Variants in CRTAC1 observed in about 807,000 individuals in gnomAD.
The protein encoded by CRTAC1 is cartilage acidic protein 1.
CRTAC1 carries 37 observed loss-of-function variants against 67.8 expected under a neutral mutation model. That is an observed-to-expected ratio of 0.55 (90% CI 0.42 to 0.72). CRTAC1 has a LOEUF of 0.72. Ranked by LOEUF, CRTAC1 falls within the 30% of genes least tolerant of loss-of-function variation. The pLI is 0.00. For synonymous variants in CRTAC1, 348 were observed against 371.0 expected (o/e 0.94, Z 0.71); for missense variants, 780 against 931.6 (o/e 0.84, Z 2.12).
At chr10:98,026,119 T>G (rs890241724) in intron 1 of CRTAC1, among the ~76,000 whole-genome samples, 15 of 152,156 alleles carry the variant, frequency 9.9e-5, no homozygotes, top group African/African-American at 3.6e-4. Context: ...CCTCTTTACC[T>G]CTAACCAAGG....
chr10:97,876,709 G>A (rs1163678566), intron 14 of CRTAC1, among the ~76,000 whole-genome samples: 3 of 152,170 alleles, frequency 2.0e-5, no homozygotes, highest in African/African-American at 4.8e-5. Flanking sequence ...TGGGGCTAAG[G>A]GACAGGGAAA....
chr10:98,005,100 A>ATATATATT, intron 2 of CRTAC1, among the ~76,000 whole-genome samples: 8 of 48,882 alleles, frequency 1.6e-4, no homozygotes, highest in African/African-American at 8.1e-4. Context: ...ATATATATAT[A>ATATATATT]TTTTTTTTTT....
chr10:97,959,963 G>C (rs969769951), intron 2 of CRTAC1, among the ~76,000 whole-genome samples: 5 of 152,242 alleles, frequency 3.3e-5, no homozygotes, highest in Non-Finnish European at 4.4e-5. Flanking sequence ...TCAGTGCCCA[G>C]GGTTTTTACT....
At chr10:97,984,824 C>T (rs2051953787) in intron 2 of CRTAC1, among the ~76,000 whole-genome samples, 1 of 152,162 alleles carries the variant, frequency 6.6e-6, no homozygotes, top group Non-Finnish European at 1.5e-5. Context: ...ACTGGCAGGG[C>T]TATGGGGGAG....
intron 14 of CRTAC1, among the ~76,000 whole-genome samples, chr10:97,876,082 A>AT: frequency 6.6e-6 from 1 of 152,220 alleles, no homozygotes; most frequent in South Asian, 2.1e-4. Context: ...CAGGGGCTCC[A>AT]TTTTTCCCCT....
chr10:97,900,542 A>G (rs642752), intron 8 of CRTAC1, among the ~76,000 whole-genome samples: 1,104 of 47,124 alleles, frequency 0.023, 28 homozygotes, highest in African/African-American at 0.082. Context: ...ATTGGACCCC[A>G]TAGCCTCTTT....
At chr10:98,026,591 G>T (rs542765814) in intron 1 of CRTAC1, among the ~76,000 whole-genome samples, 1 of 152,214 alleles carries the variant, frequency 6.6e-6, no homozygotes, top group African/African-American at 2.4e-5. Context: ...AGTTTAAAGA[G>T]AGGGGCTTTT....
intron 3 of CRTAC1, among the ~76,000 whole-genome samples, chr10:97,934,298 G>A (rs1395423325): frequency 6.6e-6 from 1 of 152,228 alleles, no homozygotes; most frequent in Non-Finnish European, 1.5e-5. Flanking sequence ...TGGCTGGAGA[G>A]AGGGCAGTAA....
rs772814377 is a variant in CRTAC1, at chr10:97,908,130, C to T, written c.733G>A (p.Val245Met). ...GCACTGCTGCTGAGGATGGGGCCCA[C>T]GCTGACGCCTCGGCCCCCTAGAAAA... ...SKYTGGRGVS[V>M]GPILSSSASD... is the part of the protein sequence containing the mutation. Residue 245 changes from valine to methionine, a missense_variant, in exon 6 of 15, where the codon GTG becomes ATG. Transcript: ENST00000370597. 2.5e-6 allele frequency: 4 copies of T among 1,614,118 alleles called. No homozygotes were observed. Among genetic ancestry groups the T allele is most frequent in the Non-Finnish European group, 3.4e-6 (4 of 1,180,002 alleles).
At position 98,013,148 on chromosome 10, in the gene CRTAC1, T is replaced by C. The variant is rs749547733; in HGVS notation, c.25-1811A>G. ...AAGGGATGACCTCTATTGTAGTGAA[T>C]GGCAAAGGAGTTTCAATTTGAGGGC... On this transcript the variant is annotated intron_variant, in intron 1 of 14. Transcript: ENST00000370597. Among the ~76,000 whole-genome samples, 23 of 152,156 alleles carry C rather than the reference T, an allele frequency of 1.5e-4. No individual in the cohort carries two copies. In the South Asian group the frequency reaches 2.3e-3, roughly 15 times the overall value.
At chr10:97,952,357 A>AAAT (rs2051369490) in intron 2 of CRTAC1, among the ~76,000 whole-genome samples, 3 of 150,392 alleles carry the variant, frequency 2.0e-5, no homozygotes, top group African/African-American at 7.4e-5. Flanking sequence ...ATCTCAAAAA[A>AAAT]AAATAAATAA....
intron 4 of CRTAC1, among the ~76,000 whole-genome samples, chr10:97,917,940 C>A (rs145582428): frequency 6.6e-6 from 1 of 152,210 alleles, no homozygotes; most frequent in Admixed American, 6.5e-5. Flanking sequence ...CCCACAACCA[C>A]CTTTTTATAG....
intron 14 of CRTAC1, chr10:97,866,646 G>A (rs1375433334): frequency 6.6e-6 from 1 of 152,232 alleles, no homozygotes; most frequent in African/African-American, 2.4e-5. Context: ...GTGCACAAGT[G>A]TATGAATGTG....
Position 97,936,282 on chromosome 10 carries a change from G to A in CRTAC1, c.309C>T (p.Pro103=), listed in dbSNP as rs2051086473. The A allele has an allele frequency of 6.2e-7, 1 of 1,614,108 alleles. No homozygotes were observed. The highest frequency in any genetic ancestry group is 1.3e-5 in the African/African-American group (1 of 75,082). ...CCTGCCGGTCCCGCAGCGCGTAGTA[G>A]GGTGAGCTGCGCTCATCGACCGCGA... ...VNIAVDERSS[P]YYALRDRQGN... Residue 103 remains proline (P), a synonymous_variant, in exon 3 of 15, where the codon CCC becomes CCT. Transcript: ENST00000370597.
intron 2 of CRTAC1, among the ~76,000 whole-genome samples, chr10:97,953,407 G>A (rs375580216): frequency 1.6e-4 from 24 of 152,134 alleles, no homozygotes; most frequent in African/African-American, 5.8e-4. Context: ...ATCAAGGTGT[G>A]ATAGCAGCCC....
rs544887279 is a variant in CRTAC1 at position 98,009,662 on chromosome 10, C to G, written c.224+1476G>C. On this transcript the variant is annotated intron_variant, in intron 2 of 14. Coordinates refer to ENST00000370597, the MANE Select transcript of CRTAC1 (RefSeq NM_018058.7). ...CCAAGGTCAAAGCTTTCTACTGTTACATGCAACTGCTGCAAATAATGTTAC... is the reference window on the plus strand; with the variant it reads ...CCAAGGTCAAAGCTTTCTACTGTTAGATGCAACTGCTGCAAATAATGTTAC... Among the ~76,000 whole-genome samples, 12 of 152,318 alleles carry G rather than the reference C, an allele frequency of 7.9e-5. No individual in the cohort carries two copies. The South Asian group carries it at 2.5e-3, about 32-fold the overall frequency.
chr10:97,924,170 C>T (rs1298461653), intron 3 of CRTAC1, among the ~76,000 whole-genome samples: 1 of 152,090 alleles, frequency 6.6e-6, no homozygotes, highest in Non-Finnish European at 1.5e-5. Flanking sequence ...ACTAAGAAGC[C>T]TTGTTCTGGA....
At chr10:97,915,362 C>T (rs1201231010) in intron 5 of CRTAC1, among the ~76,000 whole-genome samples, 9 of 152,220 alleles carry the variant, frequency 5.9e-5, no homozygotes, top group Non-Finnish European at 8.8e-5. Flanking sequence ...CCTGGATCTC[C>T]GTCTGTTCTT....
At chr10:97,963,198 G>A (rs190381606) in intron 2 of CRTAC1, among the ~76,000 whole-genome samples, 16 of 152,168 alleles carry the variant, frequency 1.1e-4, no homozygotes, top group African/African-American at 3.4e-4. Flanking sequence ...GCTTAGAACC[G>A]GCGTCCCAAC....
Sources: gnomAD v4.1 joint callset for allele counts (sites outside exome capture counted in the v4.1 genomes callset) on GRCh38, gnomAD v4.1.1 for gene constraint, MANE v1.5 for transcripts, NCBI Gene and HGNC (gene_info 2026-07-23, HGNC 2026-07-21) for gene names.